The following APP variants were observed in gnomAD, a reference collection of about 807,000 sequenced individuals.
APP encodes the protein amyloid beta precursor protein, also known as amyloid-beta precursor protein.
A neutral mutation model predicts 101.4 loss-of-function variants in APP; 31 were observed. The observed-to-expected ratio is 0.31, with a 90% CI of 0.23 to 0.41. APP has a LOEUF of 0.41. APP is among the 10% of genes least tolerant of loss of function. The probability of loss-of-function intolerance (pLI) is 1.00; values close to 1 mark genes in which losing one functional copy is unlikely to be tolerated. For missense variants in APP, 839 were observed against 1,003.7 expected, an observed-to-expected ratio of 0.84 and a Z score of 2.22; for synonymous variants, 366 against 364.4, an observed-to-expected ratio of 1.00 and a Z score of -0.05.
At chr21:26,165,151 G>C (rs926747812) in intron 1 of APP, among the ~76,000 whole-genome samples, 2 of 152,142 alleles carry the variant, frequency 1.3e-5, no homozygotes, top group African/African-American at 4.8e-5. Flanking sequence ...TCCTGCAATA[G>C]TCTTAATTGG....
intron 14 of APP, among the ~76,000 whole-genome samples, chr21:25,906,378 C>CA (rs1358889622): frequency 0.035 from 8 of 230 alleles, no homozygotes; most frequent in African/African-American, 0.12. Context: ...CCTTGGGATG[C>CA]GCCACTTCTG....
intron 6 of APP, 35 bp from the exon 7 acceptor site, chr21:26,000,217 A>T (rs1160402033): frequency 1.2e-6 from 2 of 1,611,548 alleles, no homozygotes; most frequent in Admixed American, 1.7e-5. Flanking sequence ...CACATTTAGC[A>T]TGAAAAGGCA....
At chr21:26,146,133 G>A (rs189104676) in intron 1 of APP, among the ~76,000 whole-genome samples, 53 of 152,208 alleles carry the variant, frequency 3.5e-4, no homozygotes, top group Non-Finnish European at 1.3e-4. Flanking sequence ...TCAGGAATTC[G>A]AGACCAGCCT....
intron 13 of APP, chr21:25,941,849 A>G (rs905032281): frequency 1.3e-5 from 2 of 152,208 alleles, no homozygotes; most frequent in African/African-American, 4.8e-5. Flanking sequence ...AGCTATTAAC[A>G]TCAACAGAGC....
At chr21:26,170,523 A>C (rs1011492965) in intron 1 of APP, 41 bp downstream of exon 1, 2 of 1,532,976 alleles carry the variant, frequency 1.3e-6, no homozygotes, top group South Asian at 2.4e-5. Context: ...TCGCGTCCCC[A>C]CCGTGCAGCC....
intron 9 of APP, 64 bp downstream of exon 9, chr21:25,982,280 G>A: frequency 1.3e-6 from 2 of 1,555,022 alleles, no homozygotes; most frequent in South Asian, 2.2e-5. Flanking sequence ...TGGGGAGACT[G>A]AGGCAGAGGC....
chr21:26,146,944 C>T (rs1569031635), intron 1 of APP, among the ~76,000 whole-genome samples: 4 of 150,756 alleles, frequency 2.7e-5, no homozygotes, highest in African/African-American at 1.0e-4. Context: ...ACACCATTAA[C>T]TAAATAATCC....
rs114758313 is a variant in APP, at chr21:26,003,932, T to G, written c.866-3750A>C. Among the ~76,000 whole-genome samples the G allele has an allele frequency of 6.0e-3, 913 of 152,320 alleles. 10 individuals carry two copies. The highest frequency in any genetic ancestry group is 0.021 in the African/African-American group (867 of 41,576). On this transcript the variant is annotated intron_variant, in intron 6 of 17. Transcript: ENST00000346798. Reference sequence around the variant, plus strand: ...CCTCTATCACTCATAATTATATTCCTACTCTACTACAGGGAAAGGGAATGC... The same window carrying G: ...CCTCTATCACTCATAATTATATTCCGACTCTACTACAGGGAAAGGGAATGC...
At chr21:25,883,264 G>A (rs1038519740) in intron 17 of APP, among the ~76,000 whole-genome samples, 4 of 152,156 alleles carry the variant, frequency 2.6e-5, no homozygotes, top group Middle Eastern at 3.4e-3. Context: ...TTAGCCAGGC[G>A]TGGTGGTGCA....
rs961461758 is a variant in APP at position 26,170,689 on chromosome 21, G to GCGC, written c.-72_-70dup. The stretch of plus-strand genomic sequence containing the variant: ...GATCCGCCGCGTCCTTGCTCTGCCC[G>GCGC]CGCCGCCACCGCCGCCGTCTCCCGG... On this transcript the variant is annotated 5_prime_UTR_variant, in exon 1 of 18. Coordinates refer to ENST00000346798, the MANE Select transcript of APP (RefSeq NM_000484.4). 1.5e-5 allele frequency: 22 copies of GCGC among 1,433,548 alleles called. No homozygotes were observed. Among genetic ancestry groups the GCGC allele is most frequent in the African/African-American group, 6.0e-5 (4 of 66,940 alleles). The allele number at this position is 1,433,548 out of a possible 1,614,324, so 88.8% of individuals were successfully genotyped here.
chr21:26,031,553 G>A (rs892622503), intron 5 of APP, among the ~76,000 whole-genome samples: 7 of 152,118 alleles, frequency 4.6e-5, no homozygotes, highest in South Asian at 2.1e-4. Flanking sequence ...CTTACATGGT[G>A]GCGGCAAGAG....
rs554550044 is a variant in APP at position 26,117,620 on chromosome 21, C to T, written c.58-5474G>A. On this transcript the variant is annotated intron_variant, in intron 1 of 17. Coordinates refer to ENST00000346798, the MANE Select transcript of APP (RefSeq NM_000484.4). ...CCGTCAAGGGTTCTGTTAATGTGAC[C>T]GGGCTGTCTCTCAAATTAAAATGGA... Among the ~76,000 whole-genome samples the T allele has an allele frequency of 3.9e-5, 6 of 152,234 alleles. No homozygotes were observed. In the East Asian group the frequency reaches 5.8e-4, roughly 15 times the overall value.
chr21:26,161,106 CATTT>C (rs1371532092), intron 1 of APP, among the ~76,000 whole-genome samples: 2 of 152,154 alleles, frequency 1.3e-5, no homozygotes, highest in African/African-American at 4.8e-5. Context: ...CTAGAGAACT[CATTT>C]ATTTAGTACA....
At chr21:25,910,591 AAAG>A (rs956148357) in intron 14 of APP, among the ~76,000 whole-genome samples, 3 of 152,200 alleles carry the variant, frequency 2.0e-5, no homozygotes, top group Non-Finnish European at 4.4e-5. Context: ...GAAAAAGATA[AAAG>A]AAGCTGAAAG....
chr21:25,980,840 C>T (rs190892403), intron 9 of APP, among the ~76,000 whole-genome samples: 4 of 152,206 alleles, frequency 2.6e-5, no homozygotes, highest in East Asian at 1.9e-4. Context: ...CCCAAGAAGC[C>T]GGTACATGCC....
intron 17 of APP, among the ~76,000 whole-genome samples, chr21:25,889,604 G>A (rs191430454): frequency 6.6e-5 from 10 of 152,362 alleles, no homozygotes; most frequent in Middle Eastern, 3.4e-3. Flanking sequence ...ACCTTGGGAG[G>A]TTGGGGAGGG....
rs1224026264 is a variant in APP, at chr21:25,905,066, C to G, written c.1921G>C (p.Asp641His). The G allele has an allele frequency of 1.2e-6, 2 of 1,613,800 alleles. No homozygotes were observed. The highest frequency in any genetic ancestry group is 1.3e-5 in the African/African-American group (1 of 74,910). The stretch of plus-strand genomic sequence containing the variant: ...CCTCGGTCGGCAGCAGGGCGGGCAT[C>G]AACAGGCTCAACTGGGCACAGGAAG... ...ANTENEVEPVDARPAADRGLT... is the reference protein window; with the variant it reads ...ANTENEVEPVHARPAADRGLT... The change falls in exon 15 of 18, where the codon GAT becomes CAT. Residue 641 changes from aspartate (D) to histidine (H), a missense_variant. By Grantham distance (81) the Asp-to-His change is moderately conservative. Coordinates refer to ENST00000346798, the MANE Select transcript of APP (RefSeq NM_000484.4).
intron 17 of APP, 81 bp downstream of exon 17, chr21:25,891,641 G>T: frequency 7.4e-7 from 1 of 1,358,494 alleles, no homozygotes; most frequent in Non-Finnish European, 1.1e-6. Context: ...GAGATACTTA[G>T]CTAGTTCTTA....
At chr21:26,015,417 A>C (rs1430273315) in intron 6 of APP, among the ~76,000 whole-genome samples, 2 of 152,226 alleles carry the variant, frequency 1.3e-5, no homozygotes, top group African/African-American at 2.4e-5. Flanking sequence ...TTACAAAAAG[A>C]AGCAATGAGG....
Sources: gnomAD v4.1 joint callset for allele counts (sites outside exome capture counted in the v4.1 genomes callset) on GRCh38, gnomAD v4.1.1 for gene constraint, MANE v1.5 for transcripts, NCBI Gene and HGNC (gene_info 2026-07-23, HGNC 2026-07-21) for gene names.